The following LRP3 variants were observed in gnomAD, a reference collection of about 807,000 sequenced individuals.
The protein encoded by LRP3 is low-density lipoprotein receptor-related protein 3.
Under a neutral mutation model 58.5 loss-of-function variants are expected in LRP3, and 49 were observed. The observed-to-expected ratio is 0.84, with a 90% CI of 0.67 to 1.06. LRP3 has a LOEUF of 1.06. LRP3 is among the 50% of genes least tolerant of loss of function. The pLI is 0.00. For synonymous variants in LRP3, 485 were observed against 492.2 expected (o/e 0.99, Z 0.20); for missense variants, 1,019 against 1,134.2 (o/e 0.90, Z 1.46).
rs538944959 is a variant in LRP3, at chr19:33,206,348, C to T, written c.1578C>T (p.Arg526=). ...GCGCCTTCAAGCTCTACTCACTGCG[C>T]ACGCAGGAATACAGGTGGGCGCTGT... ...LGCAFKLYSL[R]TQEYRAFETQ... is the part of the protein sequence containing the mutation. Residue 526 remains arginine, a synonymous_variant, in exon 5 of 7, where the codon CGC becomes CGT. Transcript: ENST00000253193. 2 of 1,604,300 alleles carry T rather than the reference C, an allele frequency of 1.2e-6. No homozygotes were observed. The highest frequency in any genetic ancestry group is 2.2e-5 in the East Asian group (1 of 44,756).
rs3745977 is a variant in LRP3, at chr19:33,205,448, C to T, written c.678C>T (p.Arg226=). ...TFPCSGARST[R]CLPVERRCDG... ...CATGCAGCGGGGCGCGCTCCACGCG[C>T]TGCCTGCCTGTGGAGCGGCGCTGTG... Residue 226 remains arginine (R), a synonymous_variant, in exon 5 of 7, where the codon CGC becomes CGT. Coordinates refer to ENST00000253193, the MANE Select transcript of LRP3 (RefSeq NM_002333.4). The T allele has an allele frequency of 0.051, 80,229 of 1,586,144 alleles. 2,393 individuals carry two copies. Among genetic ancestry groups the T allele is most frequent in the East Asian group, 0.14 (6,038 of 44,308 alleles).
intron 1 of LRP3, 68 bp downstream of exon 1, chr19:33,194,926 G>T: frequency 2.3e-6 from 2 of 854,990 alleles, no homozygotes; most frequent in South Asian, 5.5e-5. Flanking sequence ...CGCCCTGACC[G>T]ACCTCCTCTC....
chr19:33,196,652 TGTG>T (rs1352859430), intron 1 of LRP3, 75 bp from the exon 2 acceptor site: 1 of 1,336,166 alleles, frequency 7.5e-7, no homozygotes, highest in Non-Finnish European at 1.1e-6. Context: ...TGGGTTTAGC[TGTG>T]GTGTCCCTCA....
intron 5 of LRP3, 109 bp from the exon 6 acceptor site, chr19:33,206,491 TC>T (rs1175586532): frequency 6.3e-7 from 1 of 1,591,212 alleles, no homozygotes; most frequent in East Asian, 2.2e-5. Context: ...CACACTGGGG[TC>T]CCTATATCTT....
In LRP3 at chr19:33,205,582, T is replaced by C. The variant is rs1974394339; in HGVS notation, c.812T>C (p.Phe271Ser). ...GGCTCCTTTGCCTCCCCAGACCTGT[T>C]CGGCGCCGCTCGCGGGCCCTCAGAC... ...FYGSFASPDL[F>S]GAARGPSDLH... Residue 271 changes from phenylalanine to serine, a missense_variant, in exon 5 of 7, where the codon TTC becomes TCC. Physicochemically the swap from Phe to Ser is radical, Grantham distance 155. This residue lies in a region of LRP3 where 592 missense variants were observed against 725.5 expected (regional missense o/e 0.82). Transcript: ENST00000253193. 4.3e-6 allele frequency: 7 copies of C among 1,609,468 alleles called. No homozygotes were observed. The highest frequency in any genetic ancestry group is 5.9e-6 in the Non-Finnish European group (7 of 1,179,140).
In LRP3 at chr19:33,207,442, A is replaced by AC. The variant is rs1974435653; in HGVS notation, c.2185dup (p.Gln729ProfsTer36). The stretch of plus-strand genomic sequence containing the variant: ...GAGCCCTGCTCAGCCCAGGACCCGC[A>AC]CCCCCAGGTCTCCACTGCCAGCAGC... On this transcript the variant is annotated frameshift_variant, in exon 7 of 7. Coordinates refer to ENST00000253193, the MANE Select transcript of LRP3 (RefSeq NM_002333.4). LOFTEE classifies it high-confidence loss of function. 6.3e-7 allele frequency: 1 copy of AC among 1,596,152 alleles called. No individual in the cohort carries two copies. Among genetic ancestry groups the AC allele is most frequent in the African/African-American group, 1.3e-5 (1 of 74,354 alleles).
chr19:33,206,157 G>T lies in LRP3; in HGVS notation c.1387G>T (p.Gly463Cys), dbSNP rs546341155. The part of the protein sequence containing the change: ...FSCQPGTFHC[G>C]TNLCIFETWR... ...CTGCCAGCCCGGCACCTTCCACTGC[G>T]GTACCAACCTGTGCATCTTCGAGAC... is the stretch of plus-strand genomic sequence containing the variant. The change falls in exon 5 of 7, where the codon GGT (glycine) becomes TGT (cysteine). Residue 463 changes from glycine (G) to cysteine (C), a missense_variant. Physicochemically the swap from Gly to Cys is radical, Grantham distance 159. Transcript: ENST00000253193. 6.2e-7 allele frequency: 1 copy of T among 1,601,248 alleles called. No individual in the cohort carries two copies. The highest frequency in any genetic ancestry group is 1.1e-5 in the South Asian group (1 of 90,708).
At chr19:33,206,859 G>A in intron 6 of LRP3, 126 bp downstream of exon 6, 3 of 1,235,506 alleles carry the variant, frequency 2.4e-6, no homozygotes, top group Non-Finnish European at 2.2e-6. Flanking sequence ...CCCATGGCCA[G>A]GTGGGGGGGG....
At position 33,207,111 on chromosome 19, in the gene LRP3, G is replaced by C. The variant is rs779247846; in HGVS notation, c.1849G>C (p.Ala617Pro). ...GAACCGGCTCTTTCACCGGCCGCGG[G>C]CGCCCCGAGGCCAGATCCCACTGCT... The part of the protein sequence containing the change: ...LWNRLFHRPR[A>P]PRGQIPLLTA... The change falls in exon 7 of 7, where the codon GCG becomes CCG. Residue 617 changes from alanine (A) to proline (P), a missense_variant. Transcript: ENST00000253193. The C allele has an allele frequency of 1.5e-4, 222 of 1,525,700 alleles. No homozygotes were observed. Among genetic ancestry groups the C allele is most frequent in the Non-Finnish European group, 1.9e-4 (221 of 1,140,560 alleles). 94.5% of individuals were successfully genotyped at this position (1,525,700 alleles called of 1,614,324 possible).
intron 1 of LRP3, among the ~76,000 whole-genome samples, chr19:33,195,272 G>A (rs1345987594): frequency 1.3e-5 from 2 of 152,208 alleles, no homozygotes; most frequent in Non-Finnish European, 2.9e-5. Context: ...AGCCGCAGAT[G>A]GGGACTCGGG....
intron 2 of LRP3, among the ~76,000 whole-genome samples, chr19:33,197,945 A>G (rs1321740178): frequency 6.6e-6 from 1 of 152,152 alleles, no homozygotes; most frequent in African/African-American, 2.4e-5. Context: ...GGGCTGGCTC[A>G]AGGCCGGGCC....
chr19:33,198,608 C>T (rs973359145), intron 2 of LRP3, among the ~76,000 whole-genome samples: 5 of 152,188 alleles, frequency 3.3e-5, no homozygotes. Context: ...CTCAGTTGCT[C>T]CAGAGGGTCT....
chr19:33,207,419 GC>G lies in LRP3; in HGVS notation c.2160del (p.Cys721AlafsTer57). 1 of 1,592,032 alleles carries G rather than the reference GC, an allele frequency of 6.3e-7. No individual in the cohort carries two copies. ...GPAPADAPRE[P>X]CSAQDPHPQV... ...CAGCTCCTGCAGATGCACCTCGGGA[GC>G]CCTGCTCAGCCCAGGACCCGCACCC... On this transcript the variant is annotated frameshift_variant, in exon 7 of 7. Transcript: ENST00000253193. LOFTEE classifies it high-confidence loss of function.
chr19:33,205,146 G>A (rs1480129209), intron 4 of LRP3, 100 bp from the exon 5 acceptor site: 1 of 1,323,060 alleles, frequency 7.6e-7, no homozygotes, highest in Non-Finnish European at 1.0e-6. Context: ...TGCTGCCACA[G>A]TGATGGGGAA....
At position 33,207,621 on chromosome 19, in the gene LRP3, G is replaced by A. The variant is rs1974440498; in HGVS notation, c.*46G>A. 2 of 1,376,828 alleles carry A rather than the reference G, an allele frequency of 1.5e-6. No individual in the cohort carries two copies. The highest frequency in any genetic ancestry group is 2.8e-5 in the African/African-American group (2 of 70,762). 85.3% of individuals were successfully genotyped at this position (1,376,828 alleles called of 1,614,324 possible). Reference sequence around the variant, plus strand: ...CGCCACAGCCCCGCTTTGTAACCAGGGAATACACAGTCATTTCTACCCTGC... The same window carrying A: ...CGCCACAGCCCCGCTTTGTAACCAGAGAATACACAGTCATTTCTACCCTGC... On this transcript the variant is annotated 3_prime_UTR_variant, in exon 7 of 7. Transcript: ENST00000253193.
At chr19:33,204,203 C>T (rs1974374159) in intron 3 of LRP3, 1 of 183,258 alleles carries the variant, frequency 5.5e-6, no homozygotes, top group Admixed American at 5.6e-5. Context: ...CCCTCACTTC[C>T]CATGCCTGGG....
rs1205869951 is a variant in LRP3 at position 33,194,835 on chromosome 19, C to T, written c.50C>T (p.Ala17Val). The T allele has an allele frequency of 3.6e-6, 4 of 1,112,200 alleles. No individual in the cohort carries two copies. The African/African-American group carries it at 6.7e-5, about 19-fold the overall frequency. 68.9% of individuals were successfully genotyped at this position (1,112,200 alleles called of 1,614,324 possible). ...AGLEGAPGARAQLAVVCLVNI... is the reference protein window; with the variant it reads ...AGLEGAPGARVQLAVVCLVNI... ...CTGGAGGGCGCGCCGGGCGCCCGGG[C>T]GCAGCTGGCCGTCGTCTGTCTGGGT... The change falls in exon 1 of 7, where the codon GCG becomes GTG. Residue 17 changes from alanine (A) to valine (V), a missense_variant. By Grantham distance (64) the Ala-to-Val change is moderately conservative. Coordinates refer to ENST00000253193, the MANE Select transcript of LRP3 (RefSeq NM_002333.4).
rs1974380157 is a variant in LRP3, at chr19:33,204,692, G to A, written c.315G>A (p.Leu105=). ...ESHQCSLDWL[L]LGPAAPPRQE... The stretch of plus-strand genomic sequence containing the variant: ...ACCAGTGCTCCCTGGACTGGCTCCT[G>A]CTGGGCCCAGCAGCCCCACCCCGCC... Residue 105 remains leucine (L), a synonymous_variant, in exon 4 of 7, where the codon CTG becomes CTA. Coordinates refer to ENST00000253193, the MANE Select transcript of LRP3 (RefSeq NM_002333.4). The A allele has an allele frequency of 6.2e-7, 1 of 1,609,060 alleles. No individual in the cohort carries two copies.
intron 2 of LRP3, 119 bp downstream of exon 2, chr19:33,196,896 C>T (rs1974291475): frequency 2.2e-6 from 2 of 924,210 alleles, no homozygotes; most frequent in South Asian, 1.4e-5. Flanking sequence ...ATCTTTTCTA[C>T]ATCACAAAGG....
Sources: allele counts gnomAD v4.1 joint callset (sites outside exome capture counted in the v4.1 genomes callset), GRCh38; gene constraint gnomAD v4.1.1; regional missense constraint gnomAD v4.1.1; transcripts MANE v1.5; gene names NCBI Gene and HGNC (gene_info 2026-07-23, HGNC 2026-07-21).